Variants in COL21A1 observed in about 807,000 individuals in gnomAD.
COL21A1 encodes collagen alpha-1(XXI) chain.
Under a neutral mutation model 137.9 loss-of-function variants are expected in COL21A1, and 149 were observed. The observed-to-expected ratio is 1.08, with a 90% CI of 0.95 to 1.24. COL21A1 has a LOEUF of 1.24. COL21A1 is among the 50% of genes most tolerant of loss of function. The probability of loss-of-function intolerance (pLI) is 0.00; values close to 1 mark genes in which losing one functional copy is unlikely to be tolerated. For synonymous variants in COL21A1, 456 were observed against 391.5 expected, an observed-to-expected ratio of 1.16 and a Z score of -1.95; for missense variants, 1,167 against 1,158.4, an observed-to-expected ratio of 1.01 and a Z score of -0.11.
chr6:56,386,872 A>G (rs1183821169), intron 1 of COL21A1, among the ~76,000 whole-genome samples: 1 of 152,236 alleles, frequency 6.6e-6, no homozygotes, highest in Non-Finnish European at 1.5e-5. Context: ...TTTAGAAAGT[A>G]AAACTGTAAG....
At chr6:56,256,157 T>A (rs1782966733) in intron 1 of COL21A1, among the ~76,000 whole-genome samples, 1 of 152,208 alleles carries the variant, frequency 6.6e-6, no homozygotes, top group Non-Finnish European at 1.5e-5. Context: ...ACACCGAGGT[T>A]AAAGACCAGG....
At chr6:56,372,470 G>A (rs1307543132) in intron 1 of COL21A1, among the ~76,000 whole-genome samples, 1 of 152,106 alleles carries the variant, frequency 6.6e-6, no homozygotes, top group African/African-American at 2.4e-5. Context: ...AGAAAGTATT[G>A]GCAGGGAGAA....
In COL21A1 at chr6:56,134,122, C is replaced by T. The variant is rs113381929; in HGVS notation, c.1542+7663G>A. On this transcript the variant is annotated intron_variant, in intron 12 of 29. Transcript: ENST00000244728. ...GCTTGCACCATGCACCTGGAAAAACCACAGACACTCAATGCCAGACTGTGA... is the reference window on the plus strand; with the variant it reads ...GCTTGCACCATGCACCTGGAAAAACTACAGACACTCAATGCCAGACTGTGA... Among the ~76,000 whole-genome samples the T allele has an allele frequency of 6.0e-3, 910 of 152,280 alleles. 5 individuals carry two copies. Among genetic ancestry groups the T allele is most frequent in the Non-Finnish European group, 8.5e-3 (577 of 68,020 alleles).
intron 1 of COL21A1, among the ~76,000 whole-genome samples, chr6:56,392,004 T>C (rs1207475240): frequency 1.3e-5 from 2 of 152,168 alleles, no homozygotes; most frequent in East Asian, 3.8e-4. Context: ...AAATTTGTTC[T>C]GTGAGGCCAC....
intron 1 of COL21A1, among the ~76,000 whole-genome samples, chr6:56,324,515 C>A (rs764495089): frequency 1.7e-4 from 26 of 151,936 alleles, no homozygotes; most frequent in Non-Finnish European, 3.5e-4. Context: ...CCCCCTCTGA[C>A]CCTCTCATGG....
chr6:56,087,408 C>A (rs778869216), intron 17 of COL21A1, among the ~76,000 whole-genome samples: 1 of 152,034 alleles, frequency 6.6e-6, no homozygotes, highest in Non-Finnish European at 1.5e-5. Context: ...TCTTAGGGGG[C>A]AAGTAGACCA....
At chr6:56,065,904 C>A (rs930179313) in intron 23 of COL21A1, among the ~76,000 whole-genome samples, 5 of 151,832 alleles carry the variant, frequency 3.3e-5, no homozygotes, top group African/African-American at 1.2e-4. Context: ...TCAAGGAGAC[C>A]AGTTAGGAAG....
intron 1 of COL21A1, among the ~76,000 whole-genome samples, chr6:56,389,562 T>C (rs2094025133): frequency 6.6e-6 from 1 of 152,106 alleles, no homozygotes; most frequent in Non-Finnish European, 1.5e-5. Flanking sequence ...TAGAGAAAGA[T>C]GTGAACATCT....
chr6:56,163,542 CTACTAAAA>C (rs1776344636), intron 9 of COL21A1, among the ~76,000 whole-genome samples: 1 of 152,064 alleles, frequency 6.6e-6, no homozygotes, highest in Non-Finnish European at 1.5e-5. Flanking sequence ...AACCCCGTCT[CTACTAAAA>C]TACAAAAAAT....
chr6:56,143,203 T>A (rs986118368), intron 10 of COL21A1, among the ~76,000 whole-genome samples: 1 of 146,762 alleles, frequency 6.8e-6, no homozygotes, highest in Non-Finnish European at 1.5e-5. Context: ...ATTTTTCTTT[T>A]TTTTTTTTTT....
chr6:56,234,660 T>A (rs1781789407), intron 1 of COL21A1, among the ~76,000 whole-genome samples: 1 of 151,674 alleles, frequency 6.6e-6, no homozygotes, highest in African/African-American at 2.4e-5. Flanking sequence ...GCAGAAATGC[T>A]CACCTGAAGA....
intron 1 of COL21A1, among the ~76,000 whole-genome samples, chr6:56,279,279 A>G (rs954741884): frequency 7.2e-5 from 11 of 152,182 alleles, no homozygotes; most frequent in African/African-American, 2.4e-4. Flanking sequence ...CCAGAAGCCA[A>G]TCAGATGCCA....
chr6:56,086,431 T>C (rs1363955384), intron 17 of COL21A1, among the ~76,000 whole-genome samples: 2 of 148,594 alleles, frequency 1.3e-5, no homozygotes, highest in African/African-American at 4.9e-5. Context: ...ATACGTGTTT[T>C]GGATGTTATA....
At chr6:56,187,689 C>G (rs1033040064) in intron 1 of COL21A1, among the ~76,000 whole-genome samples, 1 of 152,054 alleles carries the variant, frequency 6.6e-6, no homozygotes, top group Non-Finnish European at 1.5e-5. Context: ...TTAAATGGAA[C>G]ATAGATCTAG....
intron 24 of COL21A1, among the ~76,000 whole-genome samples, chr6:56,063,680 C>G (rs909953869): frequency 1.3e-5 from 2 of 152,036 alleles, no homozygotes; most frequent in African/African-American, 4.8e-5. Context: ...CCTTGGGGCC[C>G]TATGCTTACA....
chr6:56,311,296 C>T, intron 1 of COL21A1, among the ~76,000 whole-genome samples: 1 of 152,152 alleles, frequency 6.6e-6, no homozygotes, highest in East Asian at 1.9e-4. Flanking sequence ...TGTTTGAAAA[C>T]ATGTGTTCCT....
rs9475587 is a variant in COL21A1, at chr6:56,175,530, T to C, written c.640+4048A>G. 3.2e-3 allele frequency among the ~76,000 whole-genome samples: 486 copies of C among 151,898 alleles called. 5 individuals are homozygous for C. Among genetic ancestry groups the C allele is most frequent in the African/African-American group, 0.011 (468 of 41,496 alleles). Reference sequence around the variant, plus strand: ...TTTAAAAAGAAAATTAAGAAAATAATCTCATTTATAAAACATAAAAATAAA... The same window carrying C: ...TTTAAAAAGAAAATTAAGAAAATAACCTCATTTATAAAACATAAAAATAAA... On this transcript the variant is annotated intron_variant, in intron 3 of 29. Coordinates refer to ENST00000244728, the MANE Select transcript of COL21A1 (RefSeq NM_030820.4).
intron 10 of COL21A1, among the ~76,000 whole-genome samples, chr6:56,145,032 A>G (rs1472384417): frequency 6.6e-6 from 1 of 152,164 alleles, no homozygotes; most frequent in African/African-American, 2.4e-5. Context: ...TTCAGACTCA[A>G]TGACTATTGT....
At chr6:56,344,514 T>C (rs1765544674) in intron 1 of COL21A1, among the ~76,000 whole-genome samples, 1 of 152,262 alleles carries the variant, frequency 6.6e-6, no homozygotes, top group Non-Finnish European at 1.5e-5. Context: ...TGTATTATCA[T>C]GTGTATATTT....
Sources: gnomAD v4.1 joint callset for allele counts (sites outside exome capture counted in the v4.1 genomes callset) on GRCh38, gnomAD v4.1.1 for gene constraint, MANE v1.5 for transcripts, NCBI Gene and HGNC (gene_info 2026-07-23, HGNC 2026-07-21) for gene names.